PWWP2B: variants seen among roughly 807,000 people sequenced by gnomAD.
PWWP2B encodes the protein PWWP domain containing 2B, also known as PWWP domain-containing protein 2B.
Under a neutral mutation model 15.5 loss-of-function variants are expected in PWWP2B, and 9 were observed. The ratio of observed to expected loss-of-function variants is 0.58; its 90% CI spans 0.35 to 1.02. The LOEUF is 1.02. Among genes scored for constraint, PWWP2B ranks in the 50% least tolerant of loss-of-function variants. The pLI, the probability that PWWP2B is intolerant of heterozygous loss-of-function variation, is 0.02. For missense variants in PWWP2B, 864 were observed against 865.3 expected (o/e 1.00, Z 0.02); for synonymous variants, 474 against 403.6 (o/e 1.17, Z -2.09).
chr10:132,412,966 G>A (rs1564877723), intron 2 of PWWP2B, among the ~76,000 whole-genome samples: 1 of 152,268 alleles, frequency 6.6e-6, no homozygotes, highest in African/African-American at 2.4e-5. Flanking sequence ...GGAGGCCAGC[G>A]CCAGTGTCCT....
At position 132,405,436 on chromosome 10, in the gene PWWP2B, C is replaced by T. The variant is rs1411147215; in HGVS notation, c.936C>T (p.Ser312=). The T allele has an allele frequency of 1.2e-6, 2 of 1,609,858 alleles. No homozygotes were observed. The highest frequency in any genetic ancestry group is 1.7e-6 in the Non-Finnish European group (2 of 1,179,458). ...RDRPSCAPSA[S]IPKLKLTRPV... is the part of the protein sequence containing the mutation. ...GGCCGTCCTGCGCGCCCTCGGCCTC[C>T]ATCCCCAAGTTGAAACTGACACGGC... Residue 312 remains serine (S), a synonymous_variant, in exon 2 of 3, where the codon TCC becomes TCT. Coordinates refer to ENST00000305233, the MANE Select transcript of PWWP2B (RefSeq NM_138499.4).
intron 2 of PWWP2B, among the ~76,000 whole-genome samples, chr10:132,409,142 G>A (rs75918094): frequency 0.043 from 6,603 of 152,300 alleles, 190 homozygotes; most frequent in Middle Eastern, 0.1. Flanking sequence ...AACAGGTCCC[G>A]CCTCTGAGTG....
rs898387743 is a variant in PWWP2B at position 132,404,674 on chromosome 10, T to C, written c.174T>C (p.Asp58=). ...LPPLAPLPQV[D]ESPVNDSHGR... ...CGTTGGCTCCGCTGCCCCAGGTCGATGAGTCCCCTGTCAACGACAGCCATG... is the reference window on the plus strand; with the variant it reads ...CGTTGGCTCCGCTGCCCCAGGTCGACGAGTCCCCTGTCAACGACAGCCATG... Residue 58 remains aspartate, a synonymous_variant, in exon 2 of 3, where the codon GAT becomes GAC. Transcript: ENST00000305233. 2 of 1,612,660 alleles carry C rather than the reference T, an allele frequency of 1.2e-6. No individual in the cohort carries two copies. Among genetic ancestry groups the C allele is most frequent in the Admixed American group, 1.7e-5 (1 of 59,990 alleles).
intron 2 of PWWP2B, among the ~76,000 whole-genome samples, chr10:132,407,408 G>A (rs1005626737): frequency 6.6e-6 from 1 of 152,242 alleles, no homozygotes; most frequent in African/African-American, 2.4e-5. Flanking sequence ...GTGACGTCTG[G>A]TGACCTTGTC....
intron 2 of PWWP2B, among the ~76,000 whole-genome samples, chr10:132,411,833 T>C (rs1346017564): frequency 6.6e-6 from 1 of 152,224 alleles, no homozygotes; most frequent in African/African-American, 2.4e-5. Context: ...ACAGCGTCCT[T>C]GAGCTTCCTG....
At chr10:132,413,016 C>T (rs886728133) in intron 2 of PWWP2B, among the ~76,000 whole-genome samples, 4 of 152,222 alleles carry the variant, frequency 2.6e-5, no homozygotes, top group Non-Finnish European at 5.9e-5. Flanking sequence ...TTGCCCCCGC[C>T]GTGCCACGTC....
In PWWP2B at chr10:132,417,143, G is replaced by T; in HGVS notation, c.*99G>T. 3 of 1,587,928 alleles carry T rather than the reference G, an allele frequency of 1.9e-6. No individual in the cohort carries two copies. Among genetic ancestry groups the T allele is most frequent in the Non-Finnish European group, 2.6e-6 (3 of 1,156,892 alleles). On this transcript the variant is annotated 3_prime_UTR_variant, in exon 3 of 3. Transcript: ENST00000305233. ...CCCTGTGAGCCTTCTGGCCGGCTGC[G>T]TGCAGAGCCCACTGGGCACGGTGGT...
chr10:132,401,170 G>C (rs1280399615), intron 1 of PWWP2B, among the ~76,000 whole-genome samples: 1 of 152,204 alleles, frequency 6.6e-6, no homozygotes, highest in African/African-American at 2.4e-5. Flanking sequence ...CAGGGCCCCC[G>C]TGTCCTTGCC....
chr10:132,415,230 ACACTCACACACATC>A (rs1479958183), intron 2 of PWWP2B, among the ~76,000 whole-genome samples: 3 of 150,830 alleles, frequency 2.0e-5, no homozygotes, highest in Non-Finnish European at 4.4e-5. Context: ...ACACCCACTC[ACACTCACACACATC>A]CACTCACACA....
At chr10:132,397,893 G>T (rs2069559861) in intron 1 of PWWP2B, among the ~76,000 whole-genome samples, 2 of 152,138 alleles carry the variant, frequency 1.3e-5, no homozygotes, top group African/African-American at 4.8e-5. Context: ...AGTCATGGGG[G>T]CGTGAAGAGG....
chr10:132,416,934 G>C (rs2133169409), intron 2 of PWWP2B, 127 bp from the exon 3 acceptor site: 1 of 918,418 alleles, frequency 1.1e-6, no homozygotes, highest in Admixed American at 1.9e-5. Flanking sequence ...GAGCTGGGGG[G>C]CGGTGGAGGT....
At position 132,405,993 on chromosome 10, in the gene PWWP2B, T is replaced by A; in HGVS notation, c.1493T>A (p.Ile498Asn). 1 of 1,613,530 alleles carries A rather than the reference T, an allele frequency of 6.2e-7. No individual in the cohort carries two copies. Among genetic ancestry groups the A allele is most frequent in the Non-Finnish European group, 8.5e-7 (1 of 1,179,988 alleles). Residue 498 changes from isoleucine (I) to asparagine (N), a missense_variant, in exon 2 of 3, where the codon ATC (isoleucine) becomes AAC (asparagine). By Grantham distance (149) the Ile-to-Asn change is moderately radical. Transcript: ENST00000305233. ...GTGGGGGACATCGTCTGGGGTAAGA[T>A]CCATGGTTTTCCTTGGTGGCCGGCG... ...VAVGDIVWGK[I>N]HGFPWWPARV...
At chr10:132,400,672 T>C (rs1001715116) in intron 1 of PWWP2B, among the ~76,000 whole-genome samples, 5 of 152,232 alleles carry the variant, frequency 3.3e-5, no homozygotes, top group African/African-American at 1.2e-4. Flanking sequence ...TGTGGGTGTC[T>C]GCAGGGCTAC....
chr10:132,403,419 G>A (rs1326170230), intron 1 of PWWP2B, among the ~76,000 whole-genome samples: 3 of 152,218 alleles, frequency 2.0e-5, no homozygotes, highest in South Asian at 2.1e-4. Context: ...CTGTGGAAAC[G>A]TGGATTCTGT....
chr10:132,412,975 C>T (rs1401048195), intron 2 of PWWP2B, among the ~76,000 whole-genome samples: 1 of 152,262 alleles, frequency 6.6e-6, no homozygotes, highest in Non-Finnish European at 1.5e-5. Flanking sequence ...CGCCAGTGTC[C>T]TGTGGTGACC....
Position 132,417,453 on chromosome 10 carries a change from G to T in PWWP2B, c.*409G>T. 1 of 304,198 alleles carries T rather than the reference G, an allele frequency of 3.3e-6. No homozygotes were observed. Among genetic ancestry groups the T allele is most frequent in the Non-Finnish European group, 6.2e-6 (1 of 161,454 alleles). 18.8% of individuals were successfully genotyped at this position (304,198 alleles called of 1,614,324 possible). ...CCTGGCGCCCCGGCCTCGCCCAGCG[G>T]CTGGTGTGGGCAGCTGTTCCCTGCC... On this transcript the variant is annotated 3_prime_UTR_variant, in exon 3 of 3. Transcript: ENST00000305233.
intron 2 of PWWP2B, among the ~76,000 whole-genome samples, chr10:132,408,685 G>C (rs1220167532): frequency 6.6e-6 from 1 of 152,262 alleles, no homozygotes; most frequent in Admixed American, 6.5e-5. Flanking sequence ...GGTGTCTGCT[G>C]CCTGAGGCAC....
rs1429153703 is a variant in PWWP2B, at chr10:132,415,647, A to T, written c.*17-1414A>T. ...CACACATCCACTCACACACCCACTCACACACACATGCACTCACACACTCAC... is the reference window on the plus strand; with the variant it reads ...CACACATCCACTCACACACCCACTCTCACACACATGCACTCACACACTCAC... On this transcript the variant is annotated intron_variant, in intron 2 of 2. Coordinates refer to ENST00000305233, the MANE Select transcript of PWWP2B (RefSeq NM_138499.4). 4.1e-5 allele frequency among the ~76,000 whole-genome samples: 6 copies of T among 147,818 alleles called. No homozygotes were observed. In the South Asian group the frequency reaches 6.4e-4, roughly 16 times the overall value.
chr10:132,417,102 G>T lies in PWWP2B; in HGVS notation c.*58G>T. The T allele has an allele frequency of 6.2e-7, 1 of 1,613,540 alleles. No individual in the cohort carries two copies. Among genetic ancestry groups the T allele is most frequent in the Non-Finnish European group, 8.5e-7 (1 of 1,179,578 alleles). Reference sequence around the variant, plus strand: ...GCGCACCTGCTGTCCTGGAGCTTCCGATCTCTGTTCGGGGACCCTGTGAGC... The same window carrying T: ...GCGCACCTGCTGTCCTGGAGCTTCCTATCTCTGTTCGGGGACCCTGTGAGC... On this transcript the variant is annotated 3_prime_UTR_variant, in exon 3 of 3. Transcript: ENST00000305233.
Sources: gnomAD v4.1 joint callset for allele counts (sites outside exome capture counted in the v4.1 genomes callset) on GRCh38, gnomAD v4.1.1 for gene constraint, MANE v1.5 for transcripts, NCBI Gene and HGNC (gene_info 2026-07-23, HGNC 2026-07-21) for gene names.